Variants in INIP observed in about 807,000 individuals in gnomAD.
The protein encoded by INIP is SOSS complex subunit C.
INIP carries 9 observed loss-of-function variants against 14.0 expected under a neutral mutation model. The ratio of observed to expected loss-of-function variants is 0.64; its 90% CI spans 0.39 to 1.12. INIP has a LOEUF of 1.12. INIP is among the 50% of genes most tolerant of loss of function. INIP has a pLI of 0.01. For missense variants in INIP, 78 were observed against 122.7 expected (o/e 0.64, Z 1.72); for synonymous variants, 37 against 41.5 (o/e 0.89, Z 0.41).
intron 2 of INIP, among the ~76,000 whole-genome samples, chr9:112,708,704 T>A (rs1730050194): frequency 6.6e-6 from 1 of 151,056 alleles, no homozygotes; most frequent in South Asian, 2.1e-4. Context: ...TTCATTTTCT[T>A]TATTTTTTTT....
intron 1 of INIP, 88 bp from the exon 2 acceptor site, chr9:112,716,629 T>C: frequency 1.4e-6 from 1 of 712,708 alleles, no homozygotes; most frequent in Non-Finnish European, 2.5e-6. Flanking sequence ...AATGAAATGT[T>C]TGCTGTTTCT....
chr9:112,696,772 C>T (rs1838112401), intron 2 of INIP, among the ~76,000 whole-genome samples: 1 of 152,186 alleles, frequency 6.6e-6, no homozygotes, highest in Admixed American at 6.5e-5. Flanking sequence ...TACTTACATT[C>T]ACTAGTTTAT....
intron 4 of INIP, among the ~76,000 whole-genome samples, chr9:112,688,128 G>A (rs947996065): frequency 1.6e-5 from 2 of 128,476 alleles, no homozygotes; most frequent in African/African-American, 2.9e-5. Flanking sequence ...AAATAAATCA[G>A]TTTTTCTGCT....
chr9:112,687,486 T>C lies in INIP; in HGVS notation c.*52A>G, dbSNP rs1221625664. 1 of 1,113,692 alleles carries C rather than the reference T, an allele frequency of 9.0e-7. No homozygotes were observed. The highest frequency in any genetic ancestry group is 1.5e-5 in the African/African-American group (1 of 65,192). 69.0% of individuals were successfully genotyped at this position (1,113,692 alleles called of 1,614,324 possible). A position where few individuals can be genotyped will look rare whatever the true frequency, so the allele number is the denominator to read the frequency against. On this transcript the variant is annotated 3_prime_UTR_variant, in exon 5 of 5. Coordinates refer to ENST00000374242, the MANE Select transcript of INIP (RefSeq NM_021218.3). ...CAGTTCATGTAGCACTGAATGATAG[T>C]AGCTTTGGCATTTGATATTACAAAG...
chr9:112,705,088 G>C (rs898949822), intron 2 of INIP, among the ~76,000 whole-genome samples: 1 of 129,048 alleles, frequency 7.7e-6, no homozygotes, highest in African/African-American at 3.0e-5. Context: ...TCCACCCTGG[G>C]TAACAGAGTG....
At chr9:112,704,517 TA>T (rs199724944) in intron 2 of INIP, among the ~76,000 whole-genome samples, 3 of 151,454 alleles carry the variant, frequency 2.0e-5, no homozygotes, top group Non-Finnish European at 2.9e-5. Flanking sequence ...GGCATGAACT[TA>T]AAAAAAAATC....
Position 112,684,147 on chromosome 9 carries a change from G to A in INIP, c.*3391C>T, listed in dbSNP as rs1177112087. ...TTTTATGTGGAATACAGTAGTGAAC[G>A]AAGTAAAAGAGGAAGAAAGGAAAGG... On this transcript the variant is annotated 3_prime_UTR_variant, in exon 5 of 5. Coordinates refer to ENST00000374242, the MANE Select transcript of INIP (RefSeq NM_021218.3). 1 of 152,076 alleles carries A rather than the reference G, an allele frequency of 6.6e-6. No individual in the cohort carries two copies. 9.4% of individuals were successfully genotyped at this position (152,076 alleles called of 1,614,324 possible). A position where few individuals can be genotyped will look rare whatever the true frequency, so the allele number is the denominator to read the frequency against.
At chr9:112,707,017 T>C (rs541552932) in intron 2 of INIP, among the ~76,000 whole-genome samples, 1 of 152,198 alleles carries the variant, frequency 6.6e-6, no homozygotes, top group Non-Finnish European at 1.5e-5. Context: ...GTTCAAGCGA[T>C]TCTCCTGCCT....
chr9:112,710,941 TG>T (rs1257680074), intron 2 of INIP, among the ~76,000 whole-genome samples: 3 of 151,372 alleles, frequency 2.0e-5, no homozygotes, highest in Non-Finnish European at 4.4e-5. Context: ...GAAGCCAAGG[TG>T]AGAGAACTGC....
chr9:112,699,618 T>C (rs1564231192), intron 2 of INIP, among the ~76,000 whole-genome samples: 1 of 152,116 alleles, frequency 6.6e-6, no homozygotes, highest in Non-Finnish European at 1.5e-5. Context: ...ATAGAGTATA[T>C]AAAGAATTCA....
chr9:112,704,683 T>C (rs985470177), intron 2 of INIP, among the ~76,000 whole-genome samples: 12 of 152,218 alleles, frequency 7.9e-5, no homozygotes, highest in Non-Finnish European at 1.8e-4. Flanking sequence ...CTCTCAGTAA[T>C]TTGAAATTTT....
chr9:112,697,524 C>A (rs748349236), intron 2 of INIP, among the ~76,000 whole-genome samples: 21 of 151,956 alleles, frequency 1.4e-4, no homozygotes, highest in Non-Finnish European at 2.8e-4. Flanking sequence ...TAGAGGCTGC[C>A]GTGAGCCATG....
intron 2 of INIP, among the ~76,000 whole-genome samples, chr9:112,699,484 A>G: frequency 6.6e-6 from 1 of 152,364 alleles, no homozygotes; most frequent in Non-Finnish European, 1.5e-5. Flanking sequence ...GAGAGACCAC[A>G]TTCACACAAC....
intron 3 of INIP, among the ~76,000 whole-genome samples, chr9:112,693,570 C>G (rs1837968175): frequency 6.6e-6 from 1 of 152,200 alleles, no homozygotes; most frequent in Non-Finnish European, 1.5e-5. Context: ...GTGATGTGTG[C>G]TGCATGCACT....
chr9:112,694,024 G>A (rs1335104796), intron 3 of INIP, 107 bp downstream of exon 3: 13 of 635,118 alleles, frequency 2.0e-5, no homozygotes, highest in East Asian at 6.4e-5. Context: ...GCAGTGAGCC[G>A]AGATTGCACC....
chr9:112,705,674 G>A (rs1838439212), intron 2 of INIP, among the ~76,000 whole-genome samples: 1 of 152,142 alleles, frequency 6.6e-6, no homozygotes, highest in South Asian at 2.1e-4. Context: ...TTACTAAACT[G>A]AGTATTAAAT....
chr9:112,692,995 C>T (rs980506931), intron 3 of INIP, among the ~76,000 whole-genome samples: 6 of 146,464 alleles, frequency 4.1e-5, no homozygotes, highest in Admixed American at 6.9e-5. Flanking sequence ...TGCCACTCCA[C>T]TCCACTCTAG....
intron 2 of INIP, among the ~76,000 whole-genome samples, chr9:112,697,482 C>T (rs560301627): frequency 3.5e-4 from 54 of 152,272 alleles, no homozygotes; most frequent in African/African-American, 1.3e-3. Context: ...ACTTGGGAGG[C>T]TGAGGCAGGA....
chr9:112,708,218 G>T (rs376027798), intron 2 of INIP, among the ~76,000 whole-genome samples: 2 of 152,256 alleles, frequency 1.3e-5, no homozygotes, highest in African/African-American at 4.8e-5. Flanking sequence ...GCGTGAAAGC[G>T]GGGGGAGCAG....
Sources: gnomAD v4.1 joint callset for allele counts (sites outside exome capture counted in the v4.1 genomes callset) on GRCh38, gnomAD v4.1.1 for gene constraint, MANE v1.5 for transcripts, NCBI Gene and HGNC (gene_info 2026-07-23, HGNC 2026-07-21) for gene names.